The following NELL1 variants were observed in gnomAD, a reference collection of about 807,000 sequenced individuals.
NELL1 encodes neural EGFL like 1, also known as protein kinase C-binding protein NELL1.
In NELL1, 76 loss-of-function variants were observed where a neutral mutation model predicts 107.4. That is an observed-to-expected ratio of 0.71 (90% CI 0.59 to 0.86). NELL1 has a LOEUF of 0.86. Among genes scored for constraint, NELL1 ranks in the 40% least tolerant of loss-of-function variants. The pLI, the probability that NELL1 is intolerant of heterozygous loss-of-function variation, is 0.00. For synonymous variants in NELL1, 353 were observed against 341.2 expected (o/e 1.03, Z -0.38); for missense variants, 1,024 against 1,005.5 (o/e 1.02, Z -0.25).
intron 3 of NELL1, among the ~76,000 whole-genome samples, chr11:20,839,876 G>T (rs2134047896): frequency 6.6e-6 from 1 of 152,318 alleles, no homozygotes; most frequent in East Asian, 1.9e-4. Flanking sequence ...TAGTCAAATA[G>T]CTCTGTAGCC....
intron 5 of NELL1, among the ~76,000 whole-genome samples, chr11:20,895,042 C>T (rs369276881): frequency 1.8e-4 from 26 of 142,878 alleles, no homozygotes; most frequent in Admixed American, 2.0e-4. Context: ...GAGGCCGAGG[C>T]GGGCGGATCA....
chr11:20,976,801 G>A (rs1260620583), intron 12 of NELL1, among the ~76,000 whole-genome samples: 1 of 151,994 alleles, frequency 6.6e-6, no homozygotes, highest in African/African-American at 2.4e-5. Flanking sequence ...TACAAATCTG[G>A]GAATTCCTAA....
At chr11:21,128,058 G>A (rs1310188840) in intron 13 of NELL1, among the ~76,000 whole-genome samples, 2 of 152,020 alleles carry the variant, frequency 1.3e-5, no homozygotes, top group Admixed American at 6.6e-5. Context: ...CCCAACACAG[G>A]GACTATGCAT....
chr11:21,020,016 T>C (rs907646121), intron 12 of NELL1, among the ~76,000 whole-genome samples: 1 of 152,150 alleles, frequency 6.6e-6, no homozygotes, highest in African/African-American at 2.4e-5. Flanking sequence ...AATCCTTACC[T>C]GTCATTTACT....
chr11:21,168,731 A>G (rs185730246), intron 13 of NELL1, among the ~76,000 whole-genome samples: 1 of 152,028 alleles, frequency 6.6e-6, no homozygotes, highest in Non-Finnish European at 1.5e-5. Flanking sequence ...GTTAAAGCTC[A>G]TAAGTTTTTT....
chr11:21,555,703 A>G (rs1856687568), intron 16 of NELL1, among the ~76,000 whole-genome samples: 1 of 151,940 alleles, frequency 6.6e-6, no homozygotes. Context: ...CCTAAAAGAT[A>G]CATAGCAGCA....
chr11:21,294,026 T>C (rs1450230440), intron 14 of NELL1, among the ~76,000 whole-genome samples: 2 of 152,264 alleles, frequency 1.3e-5, no homozygotes, highest in South Asian at 2.1e-4. Flanking sequence ...TGTATACTTA[T>C]GTAACAAACT....
chr11:20,941,145 A>T (rs1258202603), intron 10 of NELL1, among the ~76,000 whole-genome samples: 2 of 152,198 alleles, frequency 1.3e-5, no homozygotes, highest in East Asian at 3.9e-4. Context: ...TCTCAAAAAA[A>T]AGTAAAACAA....
chr11:21,002,662 T>A (rs1234253043), intron 12 of NELL1, among the ~76,000 whole-genome samples: 1 of 152,160 alleles, frequency 6.6e-6, no homozygotes, highest in East Asian at 1.9e-4. Flanking sequence ...AGAGGTTCTC[T>A]TGTCTAGGGT....
chr11:21,034,295 G>A (rs114001176), intron 12 of NELL1, among the ~76,000 whole-genome samples: 130 of 152,166 alleles, frequency 8.5e-4, no homozygotes, highest in Middle Eastern at 3.4e-3. Flanking sequence ...TTTTTGTCAC[G>A]TTTGTGAAAG....
At position 21,383,484 on chromosome 11, in the gene NELL1, C is replaced by T. The variant is rs893794927; in HGVS notation, c.1645+12536C>T. On this transcript the variant is annotated intron_variant, in intron 15 of 19. Coordinates refer to ENST00000357134, the MANE Select transcript of NELL1 (RefSeq NM_006157.5). ...GTCCAACTTACATAATATCTAAAGACTTCCATAATTGGGCCTCTTCCTACC... is the reference window on the plus strand; with the variant it reads ...GTCCAACTTACATAATATCTAAAGATTTCCATAATTGGGCCTCTTCCTACC... 2.6e-5 allele frequency among the ~76,000 whole-genome samples: 4 copies of T among 151,858 alleles called. No homozygotes were observed. The South Asian group carries it at 8.3e-4, about 31-fold the overall frequency.
intron 14 of NELL1, among the ~76,000 whole-genome samples, chr11:21,234,716 T>C (rs1358678979): frequency 1.3e-5 from 2 of 152,168 alleles, no homozygotes; most frequent in Non-Finnish European, 2.9e-5. Flanking sequence ...AAGTTTCTGT[T>C]TGATGAGTTG....
intron 17 of NELL1, among the ~76,000 whole-genome samples, chr11:21,568,294 T>C (rs777239559): frequency 6.6e-6 from 1 of 151,820 alleles, no homozygotes; most frequent in Non-Finnish European, 1.5e-5. Context: ...GGTATACCTG[T>C]ATAGAACACT....
chr11:21,245,850 G>A (rs1858476432), intron 14 of NELL1, among the ~76,000 whole-genome samples: 1 of 152,266 alleles, frequency 6.6e-6, no homozygotes, highest in South Asian at 2.1e-4. Context: ...TTTATGTTAT[G>A]AAGGGGAAGG....
intron 14 of NELL1, among the ~76,000 whole-genome samples, chr11:21,337,063 C>G (rs1850418790): frequency 6.6e-6 from 1 of 151,932 alleles, no homozygotes; most frequent in South Asian, 2.1e-4. Flanking sequence ...GGAAAGAATT[C>G]TTCATGCAAG....
intron 13 of NELL1, among the ~76,000 whole-genome samples, chr11:21,195,670 TTAA>T (rs1417873533): frequency 1.3e-5 from 2 of 152,142 alleles, no homozygotes; most frequent in Admixed American, 1.3e-4. Flanking sequence ...ATAAATATTA[TTAA>T]TGAGATATTT....
intron 2 of NELL1, among the ~76,000 whole-genome samples, chr11:20,690,007 G>A (rs1394475248): frequency 2.0e-5 from 3 of 151,980 alleles, no homozygotes; most frequent in Non-Finnish European, 2.9e-5. Context: ...ATCTCATTGT[G>A]GTTTTGATTT....
chr11:20,815,296 G>A (rs1205348950), intron 3 of NELL1, among the ~76,000 whole-genome samples: 1 of 152,064 alleles, frequency 6.6e-6, no homozygotes, highest in Non-Finnish European at 1.5e-5. Flanking sequence ...ATGTTGGTCA[G>A]GCTGGCCTCA....
At chr11:20,735,449 C>T (rs1219285473) in intron 2 of NELL1, among the ~76,000 whole-genome samples, 1 of 152,040 alleles carries the variant, frequency 6.6e-6, no homozygotes. Flanking sequence ...GGGAAAAAGC[C>T]CCTTATAAAA....
Sources: allele counts gnomAD v4.1 joint callset (sites outside exome capture counted in the v4.1 genomes callset), GRCh38; gene constraint gnomAD v4.1.1; transcripts MANE v1.5; gene names NCBI Gene and HGNC (gene_info 2026-07-23, HGNC 2026-07-21).